Variants in LRP1B observed in about 807,000 individuals in gnomAD.
LRP1B encodes the protein LDL receptor related protein 1B.
In LRP1B, 217 loss-of-function variants were observed where a neutral mutation model predicts 556.6. That is an observed-to-expected ratio of 0.39 (90% CI 0.35 to 0.44). The LOEUF (loss-of-function observed/expected upper bound fraction) is 0.44. LRP1B is among the 20% of genes least tolerant of loss of function. The probability of loss-of-function intolerance (pLI) is 1.00; values close to 1 mark genes in which losing one functional copy is unlikely to be tolerated. For synonymous variants in LRP1B, 2,047 were observed against 1,865.8 expected, an observed-to-expected ratio of 1.10 and a Z score of -2.50; for missense variants, 5,053 against 5,620.8, an observed-to-expected ratio of 0.90 and a Z score of 3.23.
intron 3 of LRP1B, among the ~76,000 whole-genome samples, chr2:141,270,563 A>G (rs1685051894): frequency 6.6e-6 from 1 of 152,108 alleles, no homozygotes; most frequent in South Asian, 2.1e-4. Flanking sequence ...GAATGAATTA[A>G]CATAATATAG....
intron 7 of LRP1B, among the ~76,000 whole-genome samples, chr2:141,129,349 T>C (rs1701292974): frequency 6.6e-6 from 1 of 152,136 alleles, no homozygotes. Flanking sequence ...GGGAACCGAA[T>C]GACCCTTTCA....
chr2:141,600,172 T>C (rs1030897848), intron 2 of LRP1B, among the ~76,000 whole-genome samples: 2 of 152,086 alleles, frequency 1.3e-5, no homozygotes, highest in African/African-American at 4.8e-5. Context: ...ACCACAATAC[T>C]CCTCCTACCT....
intron 41 of LRP1B, among the ~76,000 whole-genome samples, chr2:140,665,046 G>A (rs939943356): frequency 6.6e-6 from 1 of 152,060 alleles, no homozygotes; most frequent in African/African-American, 2.4e-5. Flanking sequence ...TACCTTTAGA[G>A]ATTAAAGCAC....
chr2:140,346,454 T>C lies in LRP1B; in HGVS notation c.11892+4343A>G, dbSNP rs534175700. On this transcript the variant is annotated intron_variant, in intron 77 of 90. Transcript: ENST00000389484. ...GTCAATATTATTATTGAGTACCTGT[T>C]TTGTGCAATTAACAACAATAAAACC... Among the ~76,000 whole-genome samples, 17 of 152,012 alleles carry C rather than the reference T, an allele frequency of 1.1e-4. No individual in the cohort carries two copies. The South Asian group carries it at 2.9e-3, about 26-fold the overall frequency.
At chr2:140,340,664 TA>T (rs34224956) in intron 77 of LRP1B, among the ~76,000 whole-genome samples, 21,154 of 147,102 alleles carry the variant, frequency 0.14, 1,831 homozygotes, top group African/African-American at 0.25. Context: ...AAGTTAAAAT[TA>T]AAAAAAAAAA....
chr2:141,154,049 G>C (rs968000603), intron 7 of LRP1B, among the ~76,000 whole-genome samples: 4 of 151,740 alleles, frequency 2.6e-5, no homozygotes, highest in Admixed American at 6.6e-5. Context: ...TGAGGAGAGA[G>C]GTCTGCTATG....
At chr2:140,698,135 T>A (rs1431258168) in intron 41 of LRP1B, among the ~76,000 whole-genome samples, 1 of 151,972 alleles carries the variant, frequency 6.6e-6, no homozygotes, top group East Asian at 1.9e-4. Flanking sequence ...TCATCTCACA[T>A]CAATTCATGC....
At chr2:140,643,362 T>A (rs1401627459) in intron 41 of LRP1B, among the ~76,000 whole-genome samples, 2 of 152,158 alleles carry the variant, frequency 1.3e-5, no homozygotes, top group Non-Finnish European at 2.9e-5. Context: ...ATAAAAAAGA[T>A]GTATTGATCA....
chr2:141,627,927 A>G (rs141193472), intron 2 of LRP1B, among the ~76,000 whole-genome samples: 1,811 of 152,320 alleles, frequency 0.012, 18 homozygotes, highest in Non-Finnish European at 0.02. Context: ...TGATGGATCA[A>G]TGGAGATGAA....
intron 2 of LRP1B, among the ~76,000 whole-genome samples, chr2:141,728,209 C>T (rs1693119532): frequency 1.3e-5 from 2 of 152,142 alleles, no homozygotes; most frequent in African/African-American, 4.8e-5. Context: ...TTCTCTAGCA[C>T]CTCTCTGCAT....
rs373730550 is a variant in LRP1B at position 141,079,767 on chromosome 2, C to G, written c.1014-17494G>C. On this transcript the variant is annotated intron_variant, in intron 7 of 90. Coordinates refer to ENST00000389484, the MANE Select transcript of LRP1B (RefSeq NM_018557.3). ...TTTTATGAAGACTATGTAAAAACTT[C>G]GTCAAAGATGATCTCATTGATCATG... is the stretch of plus-strand genomic sequence containing the variant. Among the ~76,000 whole-genome samples, 11 of 152,282 alleles carry G rather than the reference C, an allele frequency of 7.2e-5. No homozygotes were observed. The East Asian group carries it at 2.1e-3, about 29-fold the overall frequency.
chr2:140,433,261 C>A (rs1290583434), intron 66 of LRP1B, among the ~76,000 whole-genome samples: 1 of 151,996 alleles, frequency 6.6e-6, no homozygotes. Context: ...CCATGCCCAG[C>A]GAATTTTTGT....
At chr2:141,342,274 AAAAT>A (rs5834823) in intron 3 of LRP1B, among the ~76,000 whole-genome samples, 14 of 142,030 alleles carry the variant, frequency 9.9e-5, no homozygotes, top group South Asian at 2.2e-4. Flanking sequence ...AAATAAAAAT[AAAAT>A]AAATAAATAA....
intron 2 of LRP1B, among the ~76,000 whole-genome samples, chr2:141,632,227 C>T (rs1022982378): frequency 1.2e-4 from 18 of 151,938 alleles, no homozygotes; most frequent in East Asian, 1.9e-4. Context: ...TTTTAAAATG[C>T]GTATTAAAAA....
At position 140,604,288 on chromosome 2, in the gene LRP1B, T is replaced by C. The variant is rs1465612111; in HGVS notation, c.6800-2649A>G. Among the ~76,000 whole-genome samples, 4 of 151,406 alleles carry C rather than the reference T, an allele frequency of 2.6e-5. No homozygotes were observed. In the South Asian group the frequency reaches 6.2e-4, roughly 24 times the overall value. On this transcript the variant is annotated intron_variant, in intron 41 of 90. Coordinates refer to ENST00000389484, the MANE Select transcript of LRP1B (RefSeq NM_018557.3). ...CCACTTTTGAGCAGGGAATTGAGAT[T>C]GGCTAAGCATGAGTCAGGTCCTGAC...
rs762658862 is a variant in LRP1B, at chr2:141,188,568, G to A, written c.866C>T (p.Ala289Val). 1.6e-5 allele frequency: 25 copies of A among 1,611,840 alleles called. No individual in the cohort carries two copies. The highest frequency in any genetic ancestry group is 1.1e-4 in the South Asian group (10 of 90,932). Reference sequence around the variant, plus strand: ...GAGATTTCGAGTGAGCCAGTCAATCGCCATTTGTTGCACATCTGAAAAACA... The same window carrying A: ...GAGATTTCGAGTGAGCCAGTCAATCACCATTTGTTGCACATCTGAAAAACA... ...LQSFHNVQQMAIDWLTRNLYF... is the reference protein window; with the variant it reads ...LQSFHNVQQMVIDWLTRNLYF... Residue 289 changes from alanine (A) to valine (V), a missense_variant, in exon 7 of 91, where the codon GCG becomes GTG. This residue lies in a region of LRP1B where 3,619 missense variants were observed against 3,931.9 expected (regional missense o/e 0.92). Coordinates refer to ENST00000389484, the MANE Select transcript of LRP1B (RefSeq NM_018557.3).
intron 2 of LRP1B, among the ~76,000 whole-genome samples, chr2:141,561,449 C>T (rs1369618754): frequency 6.6e-6 from 1 of 151,770 alleles, no homozygotes; most frequent in Admixed American, 6.6e-5. Context: ...ACTAATGCCT[C>T]AGGGCTAGAA....
intron 79 of LRP1B, among the ~76,000 whole-genome samples, chr2:140,329,806 T>C (rs995916720): frequency 6.6e-6 from 1 of 151,718 alleles, no homozygotes; most frequent in Non-Finnish European, 1.5e-5. Flanking sequence ...ATTGTGAAAA[T>C]GGCCATACTA....
At chr2:141,367,471 C>CTTTTTTTTTTTTTTTT (rs1169568111) in intron 3 of LRP1B, among the ~76,000 whole-genome samples, 1 of 44,922 alleles carries the variant, frequency 2.2e-5, no homozygotes, top group Non-Finnish European at 3.9e-5. Context: ...ATTTGAAATG[C>CTTTTTTTTTTTTTTTT]TTTTTTTTTT....
Sources: allele counts gnomAD v4.1 joint callset (sites outside exome capture counted in the v4.1 genomes callset), GRCh38; gene constraint gnomAD v4.1.1; regional missense constraint gnomAD v4.1.1; transcripts MANE v1.5; gene names NCBI Gene and HGNC (gene_info 2026-07-23, HGNC 2026-07-21).